AP5Z1: variants seen among roughly 807,000 people sequenced by gnomAD.
AP5Z1 encodes the protein AP-5 complex subunit zeta-1.
Under a neutral mutation model 83.0 loss-of-function variants are expected in AP5Z1, and 106 were observed. The ratio of observed to expected loss-of-function variants is 1.28; its 90% CI spans 1.09 to 1.50. AP5Z1 has a LOEUF of 1.50. Among genes scored for constraint, AP5Z1 ranks in the 40% most tolerant of loss-of-function variants. The pLI, the probability that AP5Z1 is intolerant of heterozygous loss-of-function variation, is 0.00. For missense variants in AP5Z1, 1,565 were observed against 1,094.2 expected (o/e 1.43, Z -6.07); for synonymous variants, 751 against 514.1 (o/e 1.46, Z -6.23).
At chr7:4,780,444 C>A (rs1416907175) in intron 1 of AP5Z1, among the ~76,000 whole-genome samples, 1 of 151,832 alleles carries the variant, frequency 6.6e-6, no homozygotes, top group African/African-American at 2.4e-5. Context: ...CATGGTGAAA[C>A]CCCGTCTCTA....
At position 4,790,445 on chromosome 7, in the gene AP5Z1, G is replaced by T. The variant is rs753647179; in HGVS notation, c.1806-14G>T. 14 of 1,612,860 alleles carry T rather than the reference G, an allele frequency of 8.7e-6. No homozygotes were observed. The Admixed American group carries it at 2.0e-4, about 23-fold the overall frequency. On this transcript the variant is annotated splice_polypyrimidine_tract_variant and intron_variant, in intron 14 of 16. Coordinates refer to ENST00000649063, the MANE Select transcript of AP5Z1 (RefSeq NM_014855.3). Reference sequence around the variant, plus strand: ...GTCTGCACAGAGCAGGCGTAGACCCGGCTTTCTGGGCAGTGTGCTGAGTTC... The same window carrying T: ...GTCTGCACAGAGCAGGCGTAGACCCTGCTTTCTGGGCAGTGTGCTGAGTTC...
At chr7:4,784,483 A>G in intron 6 of AP5Z1, 112 bp downstream of exon 6, 1 of 1,315,412 alleles carries the variant, frequency 7.6e-7, no homozygotes, top group Non-Finnish European at 1.0e-6. Context: ...CCCAGGATGC[A>G]GCAGAGGTCA....
intron 3 of AP5Z1, 51 bp downstream of exon 3, chr7:4,781,805 G>T: frequency 6.8e-7 from 1 of 1,481,402 alleles, no homozygotes; most frequent in Non-Finnish European, 9.0e-7. Context: ...GCTTCCCAAG[G>T]AACAGGGGAG....
At chr7:4,777,652 G>C (rs749102037) in intron 1 of AP5Z1, among the ~76,000 whole-genome samples, 2 of 152,128 alleles carry the variant, frequency 1.3e-5, no homozygotes, top group Non-Finnish European at 2.9e-5. Context: ...GCCCCTCGAA[G>C]TGCCGGGATT....
rs201620155 is a variant in AP5Z1, at chr7:4,790,444, C to T, written c.1806-15C>T. 1,352 of 1,612,832 alleles carry T rather than the reference C, an allele frequency of 8.4e-4. 3 individuals are homozygous for T. The highest frequency in any genetic ancestry group is 1.1e-3 in the Non-Finnish European group (1,299 of 1,179,850). On this transcript the variant is annotated splice_polypyrimidine_tract_variant and intron_variant, in intron 14 of 16. Transcript: ENST00000649063. ...GGTCTGCACAGAGCAGGCGTAGACCCGGCTTTCTGGGCAGTGTGCTGAGTT... is the reference window on the plus strand; with the variant it reads ...GGTCTGCACAGAGCAGGCGTAGACCTGGCTTTCTGGGCAGTGTGCTGAGTT...
rs772427804 is a variant in AP5Z1 at position 4,785,408 on chromosome 7, C to A, written c.932-7C>A. On this transcript the variant is annotated splice_polypyrimidine_tract_variant and splice_region_variant and intron_variant, in intron 7 of 16. Coordinates refer to ENST00000649063, the MANE Select transcript of AP5Z1 (RefSeq NM_014855.3). Reference sequence around the variant, plus strand: ...CAGAGCCGGCTGACTTTTTCCCCTCCTTCCAGGAGCCCTGAGGAAGGGGGA... The same window carrying A: ...CAGAGCCGGCTGACTTTTTCCCCTCATTCCAGGAGCCCTGAGGAAGGGGGA... 3 of 1,612,892 alleles carry A rather than the reference C, an allele frequency of 1.9e-6. No individual in the cohort carries two copies. Among genetic ancestry groups the A allele is most frequent in the Non-Finnish European group, 2.5e-6 (3 of 1,179,416 alleles).
rs1562406778 is a variant in AP5Z1, at chr7:4,784,207, G to A, written c.626G>A (p.Gly209Asp). Residue 209 changes from glycine (G) to aspartate (D), a missense_variant, in exon 6 of 17, where the codon GGC (glycine) becomes GAC (aspartate). Coordinates refer to ENST00000649063, the MANE Select transcript of AP5Z1 (RefSeq NM_014855.3). The stretch of plus-strand genomic sequence containing the variant: ...TCCTGCCTGTCCTTCCCACAGCCGG[G>A]CCCCGTCACCGAGGTGGACGGGGCG... ...FFSTPRARQPGPVTEVDGAVA... is the reference protein window; with the variant it reads ...FFSTPRARQPDPVTEVDGAVA... 6.3e-7 allele frequency: 1 copy of A among 1,581,376 alleles called. No homozygotes were observed. The highest frequency in any genetic ancestry group is 8.6e-7 in the Non-Finnish European group (1 of 1,166,498).
At position 4,783,393 on chromosome 7, in the gene AP5Z1, C is replaced by T. The variant is rs530642822; in HGVS notation, c.444C>T (p.Pro148=). 1 of 1,613,270 alleles carries T rather than the reference C, an allele frequency of 6.2e-7. No individual in the cohort carries two copies. ...RALESRQPEG[P]SLRHLLPVMA... Reference sequence around the variant, plus strand: ...TGGAGAGCCGGCAGCCTGAGGGACCCAGCCTCAGACACCTCCTCCCCGTCA... The same window carrying T: ...TGGAGAGCCGGCAGCCTGAGGGACCTAGCCTCAGACACCTCCTCCCCGTCA... The change falls in exon 4 of 17, where the codon CCC becomes CCT. Residue 148 remains proline, a synonymous_variant. Transcript: ENST00000649063.
At position 4,783,298 on chromosome 7, in the gene AP5Z1, G is replaced by C; in HGVS notation, c.367-18G>C. The C allele has an allele frequency of 1.9e-6, 3 of 1,590,842 alleles. No individual in the cohort carries two copies. The highest frequency in any genetic ancestry group is 2.6e-6 in the Non-Finnish European group (3 of 1,167,862). ...GGCACAGGCCAGTACCCCAGCGTTT[G>C]CCCTGTTTGATTTGAAGGGTGACAG... On this transcript the variant is annotated intron_variant, in intron 3 of 16. Coordinates refer to ENST00000649063, the MANE Select transcript of AP5Z1 (RefSeq NM_014855.3).
At chr7:4,775,799 C>T (rs780557621) in intron 1 of AP5Z1, 43 bp downstream of exon 1, 24 of 1,595,164 alleles carry the variant, frequency 1.5e-5, no homozygotes, top group African/African-American at 9.4e-5. Flanking sequence ...CTGCATCTCT[C>T]CCTAGGGGCA....
chr7:4,775,788 C>T (rs1351424551), intron 1 of AP5Z1, 32 bp downstream of exon 1: 6 of 1,599,184 alleles, frequency 3.8e-6, no homozygotes, highest in Non-Finnish European at 5.1e-6. Flanking sequence ...GGCCCTCCTT[C>T]CTGCATCTCT....
rs773950276 is a variant in AP5Z1, at chr7:4,789,864, G to C, written c.1740G>C (p.Ala580=). The C allele has an allele frequency of 6.4e-7, 1 of 1,552,852 alleles. No individual in the cohort carries two copies. The highest frequency in any genetic ancestry group is 1.2e-5 in the South Asian group (1 of 84,154). ...VADGSLINQL[A]LLLLGRSDSL... is the part of the protein sequence containing the mutation. ...ACGGGTCCCTGATCAACCAGCTGGC[G>C]CTGCTGCTCCTGGGCAGGAGCGACT... Residue 580 remains alanine, a synonymous_variant, in exon 14 of 17, where the codon GCG becomes GCC. Transcript: ENST00000649063.
chr7:4,790,606 G>A lies in AP5Z1; in HGVS notation c.1938+15G>A, dbSNP rs755183905. On this transcript the variant is annotated intron_variant, in intron 15 of 16. Coordinates refer to ENST00000649063, the MANE Select transcript of AP5Z1 (RefSeq NM_014855.3). The stretch of plus-strand genomic sequence containing the variant: ...TCACCAGCGTGGTAAGGCGGGCGCT[G>A]GCCTCCCACAGCCGCTCCTGACCCA... The A allele has an allele frequency of 1.9e-6, 3 of 1,612,210 alleles. No individual in the cohort carries two copies. Among genetic ancestry groups the A allele is most frequent in the African/African-American group, 1.3e-5 (1 of 74,916 alleles).
intron 1 of AP5Z1, among the ~76,000 whole-genome samples, chr7:4,779,576 G>C (rs948734250): frequency 6.6e-6 from 1 of 151,422 alleles, no homozygotes. Context: ...AGCTCAAGCA[G>C]TTCTCCCACC....
At position 4,783,469 on chromosome 7, in the gene AP5Z1, G is replaced by T. The variant is rs763344011; in HGVS notation, c.511+9G>T. On this transcript the variant is annotated intron_variant, in intron 4 of 16. Coordinates refer to ENST00000649063, the MANE Select transcript of AP5Z1 (RefSeq NM_014855.3). Reference sequence around the variant, plus strand: ...GGGCACCCTCCAGGAGGGTACGCGGGGCCCCTCCCAAGAGGCTGTTGGGGG... The same window carrying T: ...GGGCACCCTCCAGGAGGGTACGCGGTGCCCCTCCCAAGAGGCTGTTGGGGG... 11 of 1,610,118 alleles carry T rather than the reference G, an allele frequency of 6.8e-6. No homozygotes were observed. The highest frequency in any genetic ancestry group is 6.7e-5 in the Admixed American group (4 of 59,870).
rs530642822 is a variant in AP5Z1, at chr7:4,783,393, C to G, written c.444C>G (p.Pro148=). ...RALESRQPEG[P]SLRHLLPVMA... ...TGGAGAGCCGGCAGCCTGAGGGACC[C>G]AGCCTCAGACACCTCCTCCCCGTCA... is the stretch of plus-strand genomic sequence containing the variant. The change falls in exon 4 of 17, where the codon CCC becomes CCG. Residue 148 remains proline, a synonymous_variant. Transcript: ENST00000649063. 5.1e-5 allele frequency: 82 copies of G among 1,613,270 alleles called. 1 individual carries two copies. The South Asian group carries it at 8.9e-4, about 17-fold the overall frequency.
In AP5Z1 at chr7:4,781,598, G is replaced by A. The variant is rs767417376; in HGVS notation, c.210G>A (p.Gln70=). The A allele has an allele frequency of 3.0e-5, 48 of 1,609,188 alleles. No homozygotes were observed. The Admixed American group carries it at 7.7e-4, about 26-fold the overall frequency. The part of the protein sequence containing the change: ...RLEKTCVDLL[Q]ATLGLPACPE... ...AGAAGACATGCGTAGACCTGCTGCA[G>A]GCCACCCTCGGCCTGCCTGCATGCC... The change falls in exon 3 of 17, where the codon CAG becomes CAA. Residue 70 remains glutamine, a synonymous_variant. Transcript: ENST00000649063.
chr7:4,791,491 A>G lies in AP5Z1; in HGVS notation c.*106A>G. ...CAGGAGGGCGCGGGAGTCCTGGGAGAGGAGGCAAGGCCCACGGTGGGCTTG... is the reference window on the plus strand; with the variant it reads ...CAGGAGGGCGCGGGAGTCCTGGGAGGGGAGGCAAGGCCCACGGTGGGCTTG... On this transcript the variant is annotated 3_prime_UTR_variant, in exon 17 of 17. Coordinates refer to ENST00000649063, the MANE Select transcript of AP5Z1 (RefSeq NM_014855.3). 6.9e-7 allele frequency: 1 copy of G among 1,448,776 alleles called. No individual in the cohort carries two copies. The allele number at this position is 1,448,776 out of a possible 1,614,324, so 89.7% of individuals were successfully genotyped here.
chr7:4,775,791 G>A, intron 1 of AP5Z1, 35 bp downstream of exon 1: 1 of 1,598,348 alleles, frequency 6.3e-7, no homozygotes, highest in Non-Finnish European at 8.5e-7. Flanking sequence ...CCTCCTTCCT[G>A]CATCTCTCCC....
Sources: allele counts gnomAD v4.1 joint callset (sites outside exome capture counted in the v4.1 genomes callset), GRCh38; gene constraint gnomAD v4.1.1; transcripts MANE v1.5; gene names NCBI Gene and HGNC (gene_info 2026-07-23, HGNC 2026-07-21).